The following GUF1 variants were observed in gnomAD, a reference collection of about 807,000 sequenced individuals.
GUF1 encodes the protein GTP binding elongation factor GUF1.
In GUF1, 78 loss-of-function variants were observed where a neutral mutation model predicts 82.4. The observed-to-expected ratio is 0.95, with a 90% CI of 0.79 to 1.14. The LOEUF is 1.14. GUF1 is among the 50% of genes most tolerant of loss of function. The pLI, the probability that GUF1 is intolerant of heterozygous loss-of-function variation, is 0.00. For synonymous variants in GUF1, 279 were observed against 282.3 expected (o/e 0.99, Z 0.12); for missense variants, 814 against 798.2 (o/e 1.02, Z -0.24).
chr4:44,694,215 GC>G, intron 13 of GUF1, 196 bp from the exon 14 acceptor site: 1 of 506,402 alleles, frequency 2.0e-6, no homozygotes, highest in Non-Finnish European at 3.5e-6. Flanking sequence ...CCTTGCTTTT[GC>G]CCTTGATTTA....
chr4:44,689,956 C>A lies in GUF1; in HGVS notation c.1316C>A (p.Ser439Ter). The A allele has an allele frequency of 6.3e-7, 1 of 1,576,466 alleles. No individual in the cohort carries two copies. The highest frequency in any genetic ancestry group is 8.6e-7 in the Non-Finnish European group (1 of 1,156,736). ...ACTGTTCCATATAAAGCTGTACTGT[C>A]ATCATCAAAATTGATAAAGGTACTT... The part of the protein sequence containing the change: ...TPTVPYKAVL[S>*]SSKLIKEHRE... The change falls in exon 11 of 17, where the codon TCA (serine) becomes TAA (stop). Residue 439 changes from serine to a stop codon, truncating the protein, a stop_gained. Coordinates refer to ENST00000281543, the MANE Select transcript of GUF1 (RefSeq NM_021927.3). LOFTEE classifies it high-confidence loss of function.
intron 13 of GUF1, among the ~76,000 whole-genome samples, chr4:44,692,432 C>A (rs1237056149): frequency 3.3e-5 from 5 of 151,586 alleles, no homozygotes; most frequent in African/African-American, 7.3e-5. Context: ...GTTGTTGGGG[C>A]ATATAACTCT....
intron 9 of GUF1, among the ~76,000 whole-genome samples, chr4:44,688,777 A>G (rs1715229478): frequency 6.6e-6 from 1 of 151,950 alleles, no homozygotes; most frequent in Non-Finnish European, 1.5e-5. Context: ...CAGAGGTGTC[A>G]GATGAAAGAG....
intron 13 of GUF1, 128 bp downstream of exon 13, chr4:44,691,927 A>AT (rs1402020184): frequency 4.4e-6 from 3 of 677,138 alleles, no homozygotes; most frequent in Middle Eastern, 3.7e-4. Context: ...ATCATACTCT[A>AT]AGGTTAGAAT....
intron 16 of GUF1, among the ~76,000 whole-genome samples, chr4:44,698,210 T>C (rs1259662464): frequency 6.6e-6 from 1 of 152,134 alleles, no homozygotes; most frequent in East Asian, 1.9e-4. Context: ...CAAAGGCACA[T>C]TTATTCCTAT....
Position 44,678,778 on chromosome 4 carries a change from A to G in GUF1, c.156A>G (p.Ala52=), listed in dbSNP as rs763031633. 1.3e-6 allele frequency: 2 copies of G among 1,553,388 alleles called. No homozygotes were observed. The highest frequency in any genetic ancestry group is 1.2e-5 in the South Asian group (1 of 81,764). The change falls in exon 1 of 17, where the codon GCA becomes GCG. Residue 52 remains alanine, a synonymous_variant. Transcript: ENST00000281543. ...SWATDRLYSS[A]EFKEKLDMSR... The stretch of plus-strand genomic sequence containing the variant: ...CTACCGACAGGCTCTACAGCTCCGC[A>G]GAATTCAAGGTGACTGCCCCCTGGA...
At chr4:44,690,656 C>T (rs754035323) in intron 11 of GUF1, 61 bp from the exon 12 acceptor site, 1 of 996,364 alleles carries the variant, frequency 1.0e-6, no homozygotes, top group East Asian at 2.7e-5. Flanking sequence ...ATAAGGCAAA[C>T]AAGAAAAATG....
intron 15 of GUF1, among the ~76,000 whole-genome samples, chr4:44,695,951 C>T (rs368864887): frequency 1.1e-4 from 16 of 152,082 alleles, no homozygotes; most frequent in African/African-American, 3.4e-4. Flanking sequence ...GTTAGTATAA[C>T]GTATACGAGT....
intron 9 of GUF1, 26 bp from the exon 10 acceptor site, chr4:44,689,260 A>G (rs1715262874): frequency 4.5e-6 from 7 of 1,544,552 alleles, no homozygotes; most frequent in African/African-American, 1.4e-5. Context: ...TTATCACGTG[A>G]TAATTAGAAA....
Position 44,678,541 on chromosome 4 carries a change from ACGG to A in GUF1, c.-81_-79del. On this transcript the variant is annotated 5_prime_UTR_variant, in exon 1 of 17. Coordinates refer to ENST00000281543, the MANE Select transcript of GUF1 (RefSeq NM_021927.3). ...GTTTGAGTCCTGTCCACCGGATCCT[ACGG>A]GGGGTACCTTCGAAAAAAAACGGGC... 1 of 1,155,748 alleles carries A rather than the reference ACGG, an allele frequency of 8.7e-7. No homozygotes were observed. The highest frequency in any genetic ancestry group is 1.2e-6 in the Non-Finnish European group (1 of 869,400). The allele number at this position is 1,155,748 out of a possible 1,614,324, so 71.6% of individuals were successfully genotyped here.
At chr4:44,691,289 T>C (rs1297470162) in intron 12 of GUF1, among the ~76,000 whole-genome samples, 1 of 151,716 alleles carries the variant, frequency 6.6e-6, no homozygotes, top group African/African-American at 2.4e-5. Flanking sequence ...CTATGTGAAA[T>C]ACTCTGATAC....
intron 6 of GUF1, among the ~76,000 whole-genome samples, chr4:44,683,799 T>C (rs1714904052): frequency 1.3e-5 from 2 of 152,122 alleles, no homozygotes; most frequent in Admixed American, 1.3e-4. Context: ...GTTGCTACCA[T>C]TTTAAATTTG....
chr4:44,678,534 G>T lies in GUF1; in HGVS notation c.-89G>T. 1 of 1,075,866 alleles carries T rather than the reference G, an allele frequency of 9.3e-7. No homozygotes were observed. Among genetic ancestry groups the T allele is most frequent in the Non-Finnish European group, 1.3e-6 (1 of 798,870 alleles). The allele number at this position is 1,075,866 out of a possible 1,614,324, so 66.6% of individuals were successfully genotyped here. A position where few individuals can be genotyped will look rare whatever the true frequency, so the allele number is the denominator to read the frequency against. Reference sequence around the variant, plus strand: ...AGGATCTGTTTGAGTCCTGTCCACCGGATCCTACGGGGGGTACCTTCGAAA... The same window carrying T: ...AGGATCTGTTTGAGTCCTGTCCACCTGATCCTACGGGGGGTACCTTCGAAA... On this transcript the variant is annotated 5_prime_UTR_variant, in exon 1 of 17. Transcript: ENST00000281543.
rs1714549506 is a variant in GUF1, at chr4:44,678,451, T to C, written c.-172T>C. On this transcript the variant is annotated 5_prime_UTR_variant, in exon 1 of 17. Transcript: ENST00000281543. ...CGGCAAGCTGCGCCGCCGCTTCGGG[T>C]TGCTTCCGGATCTGGTACTTGGGCA... The C allele has an allele frequency of 1.9e-6, 1 of 521,108 alleles. No individual in the cohort carries two copies. Among genetic ancestry groups the C allele is most frequent in the Non-Finnish European group, 3.1e-6 (1 of 320,096 alleles). The allele number at this position is 521,108 out of a possible 1,614,324, so 32.3% of individuals were successfully genotyped here.
At chr4:44,682,157 C>T in intron 4 of GUF1, 177 bp from the exon 5 acceptor site, 2 of 389,442 alleles carry the variant, frequency 5.1e-6, no homozygotes, top group Non-Finnish European at 9.4e-6. Flanking sequence ...ATATTGACCC[C>T]AAAGACATAA....
intron 16 of GUF1, 71 bp downstream of exon 16, chr4:44,697,515 AT>A: frequency 2.8e-6 from 2 of 718,570 alleles, no homozygotes; most frequent in East Asian, 5.9e-5. Flanking sequence ...GCATAAACTT[AT>A]TGATTTCCAT....
At position 44,680,678 on chromosome 4, in the gene GUF1, G is replaced by C; in HGVS notation, c.278-16G>C. The C allele has an allele frequency of 6.5e-7, 1 of 1,536,802 alleles. No homozygotes were observed. The highest frequency in any genetic ancestry group is 8.8e-7 in the Non-Finnish European group (1 of 1,133,840). On this transcript the variant is annotated splice_polypyrimidine_tract_variant and intron_variant, in intron 2 of 16. Transcript: ENST00000281543. Reference sequence around the variant, plus strand: ...TTAAAGCCCAGAGAAATATCAATAAGTGTTTCTGTTTATAGGGACAATTGA... The same window carrying C: ...TTAAAGCCCAGAGAAATATCAATAACTGTTTCTGTTTATAGGGACAATTGA...
intron 10 of GUF1, 139 bp from the exon 11 acceptor site, chr4:44,689,704 C>A: frequency 1.4e-6 from 1 of 699,894 alleles, no homozygotes; most frequent in South Asian, 3.4e-5. Context: ...TAAAATTATG[C>A]TAGCATTTAA....
chr4:44,693,689 T>C (rs150212931), intron 13 of GUF1, among the ~76,000 whole-genome samples: 1 of 152,152 alleles, frequency 6.6e-6, no homozygotes, highest in African/African-American at 2.4e-5. Context: ...TTGGGACAAC[T>C]TGTAAGCCTA....
Sources: gnomAD v4.1 joint callset for allele counts (sites outside exome capture counted in the v4.1 genomes callset) on GRCh38, gnomAD v4.1.1 for gene constraint, MANE v1.5 for transcripts, NCBI Gene and HGNC (gene_info 2026-07-23, HGNC 2026-07-21) for gene names.